SLC8A3: variants seen among roughly 807,000 people sequenced by gnomAD.
SLC8A3 encodes the protein solute carrier family 8 member A3.
SLC8A3 carries 37 observed loss-of-function variants against 65.4 expected under a neutral mutation model. That is an observed-to-expected ratio of 0.57 (90% confidence interval 0.44 to 0.74). SLC8A3 has a LOEUF of 0.74. Ranked by LOEUF, SLC8A3 falls within the 30% of genes least tolerant of loss-of-function variation. The pLI, the probability that SLC8A3 is intolerant of heterozygous loss-of-function variation, is 0.00. For missense variants in SLC8A3, 1,112 were observed against 1,172.1 expected (o/e 0.95, Z 0.75); for synonymous variants, 461 against 444.5 (o/e 1.04, Z -0.47).
chr14:70,144,409 C>T (rs1344879551), intron 2 of SLC8A3, among the ~76,000 whole-genome samples: 1 of 142,008 alleles, frequency 7.0e-6, no homozygotes, highest in African/African-American at 2.6e-5. Flanking sequence ...GCGAGTAGAT[C>T]ACTTGAGGTC....
chr14:70,179,339 T>C (rs1484149429), intron 1 of SLC8A3, among the ~76,000 whole-genome samples: 11 of 152,358 alleles, frequency 7.2e-5, no homozygotes, highest in East Asian at 1.9e-4. Context: ...TAGTTTATCA[T>C]AGAATATATA....
chr14:70,149,353 C>A (rs1162092909), intron 2 of SLC8A3, among the ~76,000 whole-genome samples: 3 of 152,142 alleles, frequency 2.0e-5, no homozygotes, highest in Non-Finnish European at 4.4e-5. Context: ...AGAGGCAGCA[C>A]CATCCACAGC....
At chr14:70,073,714 G>A (rs1222815366) in intron 2 of SLC8A3, among the ~76,000 whole-genome samples, 1 of 152,154 alleles carries the variant, frequency 6.6e-6, no homozygotes, top group Non-Finnish European at 1.5e-5. Flanking sequence ...TATTTTGAGA[G>A]AACAAATTTG....
intron 2 of SLC8A3, among the ~76,000 whole-genome samples, chr14:70,108,413 A>G (rs76682375): frequency 1.3e-5 from 2 of 151,758 alleles, no homozygotes; most frequent in Non-Finnish European, 2.9e-5. Context: ...AAAAAAAAAA[A>G]AGAAAAATGA....
In SLC8A3 at chr14:70,168,408, C is replaced by A; in HGVS notation, c.15G>T (p.Arg5Ser). 1 of 1,613,544 alleles carries A rather than the reference C, an allele frequency of 6.2e-7. No homozygotes were observed. The highest frequency in any genetic ancestry group is 8.5e-7 in the Non-Finnish European group (1 of 1,179,708). ...GGAAGGCAGAGGTGAGAGGCTGCAA[C>A]CTTAACCACGCCATACACGAGACTT... Reference protein sequence around the residue: MAWLRLQPLTSAFLH... With the variant: MAWLSLQPLTSAFLH... The change falls in exon 2 of 7, where the codon AGG (arginine) becomes AGT (serine). Residue 5 changes from arginine to serine, a missense_variant. Arg to Ser is a moderately radical substitution (Grantham distance 110). Coordinates refer to ENST00000356921, the MANE Select transcript of SLC8A3 (RefSeq NM_182932.3).
Position 70,130,289 on chromosome 14 carries a change from A to G in SLC8A3, c.1784+36350T>C, listed in dbSNP as rs143068370. On this transcript the variant is annotated intron_variant, in intron 2 of 6. Transcript: ENST00000356921. ...AAGATTTAATAACTTTTCTCAACTC[A>G]CCTGACGTTCACCTGCTGACCAACC... Among the ~76,000 whole-genome samples the G allele has an allele frequency of 2.9e-3, 440 of 152,268 alleles. 5 individuals carry two copies. Among genetic ancestry groups the G allele is most frequent in the African/African-American group, 0.01 (426 of 41,562 alleles).
At chr14:70,159,424 AC>A (rs376772704) in intron 2 of SLC8A3, among the ~76,000 whole-genome samples, 36 of 142,602 alleles carry the variant, frequency 2.5e-4, no homozygotes, top group Non-Finnish European at 3.8e-4. Flanking sequence ...AAAAAAAAAA[AC>A]AAAAAAAACC....
intron 1 of SLC8A3, among the ~76,000 whole-genome samples, chr14:70,183,317 A>G (rs1366290882): frequency 6.6e-6 from 1 of 152,188 alleles, no homozygotes; most frequent in African/African-American, 2.4e-5. Context: ...GGATTCTAGA[A>G]TTAGCTTTTA....
At chr14:70,182,496 A>C (rs1407421618) in intron 1 of SLC8A3, among the ~76,000 whole-genome samples, 1 of 152,186 alleles carries the variant, frequency 6.6e-6, no homozygotes, top group Non-Finnish European at 1.5e-5. Flanking sequence ...TCTGTGTGAA[A>C]GAAGCTGAAA....
chr14:70,086,144 C>T (rs1268096767), intron 2 of SLC8A3, among the ~76,000 whole-genome samples: 1 of 152,148 alleles, frequency 6.6e-6, no homozygotes, highest in East Asian at 1.9e-4. Flanking sequence ...GTGCCACATA[C>T]TATGCTAAAT....
In SLC8A3 at chr14:70,048,854, C is replaced by A. The variant is rs747934318; in HGVS notation, c.2302G>T (p.Asp768Tyr). 1 of 1,614,124 alleles carries A rather than the reference C, an allele frequency of 6.2e-7. No individual in the cohort carries two copies. Among genetic ancestry groups the A allele is most frequent in the Non-Finnish European group, 8.5e-7 (1 of 1,179,994 alleles). ...GTGCAGCCGAAGTGCGAGGCCAGGT[C>A]CCCAATGATGGCGGTGAGCATGCCA... ...IIGMLTAIIG[D>Y]LASHFGCTIG... is the part of the protein sequence containing the mutation. The change falls in exon 6 of 7, where the codon GAC becomes TAC. Residue 768 changes from aspartate (D) to tyrosine (Y), a missense_variant. Transcript: ENST00000356921.
chr14:70,137,524 T>C (rs900589579), intron 2 of SLC8A3, among the ~76,000 whole-genome samples: 2 of 152,160 alleles, frequency 1.3e-5, no homozygotes, highest in African/African-American at 4.8e-5. Flanking sequence ...GGAAACCAAA[T>C]TGTAAAATGA....
chr14:70,138,158 G>A (rs116666189), intron 2 of SLC8A3, among the ~76,000 whole-genome samples: 1,589 of 152,290 alleles, frequency 0.01, 26 homozygotes, highest in African/African-American at 0.036. Flanking sequence ...AGAGCATCCT[G>A]ATGGACTGTG....
chr14:70,167,523 G>C lies in SLC8A3; in HGVS notation c.900C>G (p.Asn300Lys), dbSNP rs1264287902. The C allele has an allele frequency of 1.9e-6, 3 of 1,613,828 alleles. No homozygotes were observed. Among genetic ancestry groups the C allele is most frequent in the African/African-American group, 2.7e-5 (2 of 74,890 alleles). The change falls in exon 2 of 7, where the codon AAC (asparagine) becomes AAG (lysine). Residue 300 changes from asparagine (N) to lysine (K), a missense_variant. Asn to Lys is a moderately conservative substitution (Grantham distance 94). Coordinates refer to ENST00000356921, the MANE Select transcript of SLC8A3 (RefSeq NM_182932.3). ...CTTCCTTCCCTTCCAGGGGCACCAGGTTCCCATCTAGAAAATGGGAATTCA... is the reference window on the plus strand; with the variant it reads ...CTTCCTTCCCTTCCAGGGGCACCAGCTTCCCATCTAGAAAATGGGAATTCA... ...KMMNSHFLDG[N>K]LVPLEGKEVD...
chr14:70,095,784 G>A (rs574149094), intron 2 of SLC8A3, among the ~76,000 whole-genome samples: 1 of 152,288 alleles, frequency 6.6e-6, no homozygotes, highest in East Asian at 1.9e-4. Flanking sequence ...GGTTCCAGGG[G>A]AAAAGACAGG....
intron 1 of SLC8A3, among the ~76,000 whole-genome samples, chr14:70,172,472 T>C (rs1203167962): frequency 6.6e-6 from 1 of 152,174 alleles, no homozygotes; most frequent in Non-Finnish European, 1.5e-5. Context: ...TCCAGTCTTA[T>C]GTGGACTTAG....
chr14:70,067,829 G>T (rs1889604394), intron 2 of SLC8A3, among the ~76,000 whole-genome samples: 1 of 152,148 alleles, frequency 6.6e-6, no homozygotes, highest in African/African-American at 2.4e-5. Flanking sequence ...AGGGTTTTCA[G>T]ATTTTTTTGG....
rs1470160708 is a variant in SLC8A3, at chr14:70,091,962, T to A, written c.1785-31023A>T. On this transcript the variant is annotated intron_variant, in intron 2 of 6. Transcript: ENST00000356921. ...AAAACACCATTGTGTTATGGATATG[T>A]GGTTCTCAAGCCAACATTTCTCACC... is the stretch of plus-strand genomic sequence containing the variant. 2.0e-5 allele frequency among the ~76,000 whole-genome samples: 3 copies of A among 152,218 alleles called. No homozygotes were observed. In the East Asian group the frequency reaches 5.8e-4, roughly 29 times the overall value.
At chr14:70,179,592 T>C (rs972938748) in intron 1 of SLC8A3, among the ~76,000 whole-genome samples, 1 of 152,210 alleles carries the variant, frequency 6.6e-6, no homozygotes, top group African/African-American at 2.4e-5. Context: ...GAGAGTTTTG[T>C]TCATTCTCAA....
Sources: gnomAD v4.1 joint callset for allele counts (sites outside exome capture counted in the v4.1 genomes callset) on GRCh38, gnomAD v4.1.1 for gene constraint, MANE v1.5 for transcripts, NCBI Gene and HGNC (gene_info 2026-07-23, HGNC 2026-07-21) for gene names.